The following PLXND1 variants were observed in gnomAD, a reference collection of about 807,000 sequenced individuals.
PLXND1 encodes the protein plexin D1.
A neutral mutation model predicts 197.7 loss-of-function variants in PLXND1; 54 were observed. The ratio of observed to expected loss-of-function variants is 0.27; its 90% CI spans 0.22 to 0.34. The LOEUF is 0.34. Ranked by LOEUF, PLXND1 falls within the 10% of genes least tolerant of loss-of-function variation. The probability of loss-of-function intolerance (pLI) is 1.00; values close to 1 mark genes in which losing one functional copy is unlikely to be tolerated. For missense variants in PLXND1, 2,127 were observed against 2,699.2 expected, an observed-to-expected ratio of 0.79 and a Z score of 4.70; for synonymous variants, 1,180 against 1,161.2, an observed-to-expected ratio of 1.02 and a Z score of -0.33.
At chr3:129,566,435 G>A (rs1357643416) in intron 23 of PLXND1, 92 bp downstream of exon 23, 5 of 799,300 alleles carry the variant, frequency 6.3e-6, no homozygotes, top group African/African-American at 3.4e-5. Context: ...GCATGACAGG[G>A]ATCAATGCAT....
intron 29 of PLXND1, 41 bp from the exon 30 acceptor site, chr3:129,560,764 G>T: frequency 8.4e-7 from 1 of 1,197,554 alleles, no homozygotes; most frequent in Non-Finnish European, 1.2e-6. Context: ...CGGGAGAGGA[G>T]AGGAGAGAAA....
intron 9 of PLXND1, among the ~76,000 whole-genome samples, chr3:129,576,296 G>A (rs1028748036): frequency 3.3e-5 from 5 of 152,194 alleles, no homozygotes; most frequent in South Asian, 2.1e-4. Context: ...CCCTCCCCTC[G>A]CCTGAACACC....
chr3:129,557,502 G>C lies in PLXND1; in HGVS notation c.5446-279C>G, dbSNP rs556283640. On this transcript the variant is annotated intron_variant, in intron 33 of 35. Transcript: ENST00000324093. The surrounding 1 kb of genome is among the most constrained non-coding windows in gnomAD (Gnocchi z 4.8). ...TACTTCTTTCAGGGGAAAAGTGCAC[G>C]GGCATGCCAGCTCTTCACTGCACGC... 1.1e-3 allele frequency among the ~76,000 whole-genome samples: 169 copies of C among 152,194 alleles called. No individual in the cohort carries two copies. The highest frequency in any genetic ancestry group is 3.9e-3 in the African/African-American group (163 of 41,518).
chr3:129,556,369 A>C lies in PLXND1; in HGVS notation c.5721T>G (p.Phe1907Leu), dbSNP rs897217198. The C allele has an allele frequency of 1.2e-6, 2 of 1,614,090 alleles. No homozygotes were observed. The highest frequency in any genetic ancestry group is 1.7e-6 in the Non-Finnish European group (2 of 1,180,034). Residue 1907 changes from phenylalanine to leucine, a missense_variant, in exon 36 of 36, where the codon TTT (phenylalanine) becomes TTG (leucine). Phe to Leu is a conservative substitution (Grantham distance 22). Around this residue, in one of 6 missense-constraint regions of PLXND1, gnomAD observed 200 missense variants for 303.3 expected, o/e 0.66. Coordinates refer to ENST00000324093, the MANE Select transcript of PLXND1 (RefSeq NM_015103.3). ...CCTCCATCAAAGCCACCACCTGCTC[A>C]AACTTGTGCTGCAGTTGTGTCCTCC... ...TARRTQLQHK[F>L]EQVVALMEDN...
chr3:129,578,315 T>A lies in PLXND1; in HGVS notation c.2346+14A>T. ...CTCCTGGCCCCACCCGGCGCTGGCC[T>A]GGCTTCTACTTACCTGGAAAAAGGC... On this transcript the variant is annotated intron_variant, in intron 9 of 35. Transcript: ENST00000324093. 6.4e-7 allele frequency: 1 copy of A among 1,556,710 alleles called. No homozygotes were observed. The highest frequency in any genetic ancestry group is 8.8e-7 in the Non-Finnish European group (1 of 1,139,562).
chr3:129,591,168 G>A (rs1370207041), intron 1 of PLXND1, among the ~76,000 whole-genome samples: 1 of 152,226 alleles, frequency 6.6e-6, no homozygotes, highest in Non-Finnish European at 1.5e-5. Context: ...AGGTGTGATG[G>A]GCTGGGGATG....
chr3:129,582,492 G>C (rs1449557952), intron 8 of PLXND1, among the ~76,000 whole-genome samples: 2 of 152,220 alleles, frequency 1.3e-5, no homozygotes, highest in African/African-American at 4.8e-5. Flanking sequence ...GAGATGAGCT[G>C]CAGGAAGGCT....
At position 129,556,982 on chromosome 3, in the gene PLXND1, C is replaced by A. The variant is rs1560056098; in HGVS notation, c.5586+101G>T. The A allele has an allele frequency of 4.6e-6, 6 of 1,296,610 alleles. No individual in the cohort carries two copies. The South Asian group carries it at 6.7e-5, about 14-fold the overall frequency. The allele number at this position is 1,296,610 out of a possible 1,614,324, so 80.3% of individuals were successfully genotyped here. Reference sequence around the variant, plus strand: ...ACAGCCACTTCTGAAATGCCCTCTGCGCTCCCTGCCCTTACTCCAGTGGAG... The same window carrying A: ...ACAGCCACTTCTGAAATGCCCTCTGAGCTCCCTGCCCTTACTCCAGTGGAG... On this transcript the variant is annotated intron_variant, in intron 34 of 35. Transcript: ENST00000324093.
chr3:129,576,523 C>G (rs1421178607), intron 9 of PLXND1, among the ~76,000 whole-genome samples: 2 of 152,196 alleles, frequency 1.3e-5, no homozygotes, highest in Non-Finnish European at 2.9e-5. Flanking sequence ...AGGCATCACC[C>G]TTAGCCTCTT....
intron 8 of PLXND1, among the ~76,000 whole-genome samples, chr3:129,579,389 G>T (rs1472056581): frequency 2.0e-5 from 3 of 152,138 alleles, no homozygotes; most frequent in Non-Finnish European, 4.4e-5. Flanking sequence ...CTGTCTCCAG[G>T]CTCCTGGGAT....
rs757404727 is a variant in PLXND1, at chr3:129,562,753, C to T, written c.4825+34G>A. ...CAGGGGCCAGCCCCGGCTGAAGCGC[C>T]TGACACGGGGTCTCTGCCCCCATTC... is the stretch of plus-strand genomic sequence containing the variant. On this transcript the variant is annotated intron_variant, in intron 27 of 35. Coordinates refer to ENST00000324093, the MANE Select transcript of PLXND1 (RefSeq NM_015103.3). 2.5e-6 allele frequency: 4 copies of T among 1,571,900 alleles called. No homozygotes were observed. The South Asian group carries it at 4.6e-5, about 18-fold the overall frequency.
At chr3:129,600,929 C>T (rs1304238142) in intron 1 of PLXND1, among the ~76,000 whole-genome samples, 1 of 152,052 alleles carries the variant, frequency 6.6e-6, no homozygotes, top group Non-Finnish European at 1.5e-5. Flanking sequence ...AAAAAGACAC[C>T]TTGAAAATGC....
At position 129,569,876 on chromosome 3, in the gene PLXND1, T is replaced by A. The variant is rs2085197969; in HGVS notation, c.3832A>T (p.Ile1278Phe). Reference protein sequence around the residue: ...SETAIIVSIVICSVLLLLSVV... With the variant: ...SETAIIVSIVFCSVLLLLSVV... ...GAGAGCAGCAGCAGGACGCTGCAGA[T>A]GACGATGGACACGATGATGGCCGTC... The change falls in exon 20 of 36, where the codon ATC (isoleucine) becomes TTC (phenylalanine). Residue 1278 changes from isoleucine (I) to phenylalanine (F), a missense_variant. Ile to Phe is a conservative substitution (Grantham distance 21). Around this residue, in one of 6 missense-constraint regions of PLXND1, gnomAD observed 532 missense variants for 811.0 expected, o/e 0.66. Coordinates refer to ENST00000324093, the MANE Select transcript of PLXND1 (RefSeq NM_015103.3). 2.5e-6 allele frequency: 4 copies of A among 1,612,426 alleles called. No homozygotes were observed. The highest frequency in any genetic ancestry group is 2.5e-6 in the Non-Finnish European group (3 of 1,178,562).
Position 129,606,582 on chromosome 3 carries a change from G to A in PLXND1, c.58C>T (p.Pro20Ser). The A allele has an allele frequency of 8.2e-7, 1 of 1,224,236 alleles. No individual in the cohort carries two copies. The highest frequency in any genetic ancestry group is 1.0e-6 in the Non-Finnish European group (1 of 983,530). 75.8% of individuals were successfully genotyped at this position (1,224,236 alleles called of 1,614,324 possible). ...CGCGGCGGCGTCTGGAACGGCGGGG[G>A]GCTGGCGGCGGCGGCCCGGGCGCTA... The part of the protein sequence containing the change: ...PLSARAAAAS[P>S]PPFQTPPRCP... Residue 20 changes from proline to serine, a missense_variant, in exon 1 of 36, where the codon CCC becomes TCC. Around this residue, in one of 6 missense-constraint regions of PLXND1, gnomAD observed 245 missense variants for 267.1 expected, o/e 0.92. Transcript: ENST00000324093.
At chr3:129,596,805 C>T (rs781206511) in intron 1 of PLXND1, among the ~76,000 whole-genome samples, 6 of 152,212 alleles carry the variant, frequency 3.9e-5, no homozygotes, top group Admixed American at 6.5e-5. Context: ...AGGACTCTAC[C>T]GCTGGTCCCA....
In PLXND1 at chr3:129,584,545, G is replaced by T. The variant is rs2085433170; in HGVS notation, c.1869C>A (p.Ile623=). The T allele has an allele frequency of 6.2e-7, 1 of 1,608,842 alleles. No homozygotes were observed. The highest frequency in any genetic ancestry group is 1.3e-5 in the African/African-American group (1 of 75,014). The change falls in exon 6 of 36, where the codon ATC becomes ATA. Residue 623 remains isoleucine, a synonymous_variant. Coordinates refer to ENST00000324093, the MANE Select transcript of PLXND1 (RefSeq NM_015103.3). The part of the protein sequence containing the change: ...RQEYPGMILQ[I]SGSLPSLSGM... The stretch of plus-strand genomic sequence containing the variant: ...CACTGAGGCTGGGCAGGCTGCCCGA[G>T]ATCTGCAGGATCATGCCCTGGGGGC...
At chr3:129,587,068 C>T (rs1220308604) in intron 2 of PLXND1, among the ~76,000 whole-genome samples, 2 of 152,132 alleles carry the variant, frequency 1.3e-5, no homozygotes, top group Middle Eastern at 3.2e-3. Context: ...CTGAGGAGCT[C>T]TACAATGTGT....
At chr3:129,593,881 C>T (rs2085582365) in intron 1 of PLXND1, among the ~76,000 whole-genome samples, 1 of 152,170 alleles carries the variant, frequency 6.6e-6, no homozygotes, top group Admixed American at 6.5e-5. Flanking sequence ...GAGCAGGATG[C>T]CCCCTCCCCC....
At chr3:129,580,503 G>C (rs1277375252) in intron 8 of PLXND1, among the ~76,000 whole-genome samples, 1 of 152,128 alleles carries the variant, frequency 6.6e-6, no homozygotes, top group Non-Finnish European at 1.5e-5. Flanking sequence ...CCCAGCCTCT[G>C]TCCTCCTGGC....
Sources: gnomAD v4.1 joint callset for allele counts (sites outside exome capture counted in the v4.1 genomes callset) on GRCh38, gnomAD v4.1.1 for gene constraint, gnomAD v4.1.1 regional missense constraint, Gnocchi (gnomAD v3.1) non-coding constraint, MANE v1.5 for transcripts, NCBI Gene and HGNC (gene_info 2026-07-23, HGNC 2026-07-21) for gene names.